Variants in EPDR1 observed in about 807,000 individuals in gnomAD.
EPDR1 encodes ependymin related 1.
EPDR1 carries 27 observed loss-of-function variants against 23.7 expected under a neutral mutation model. The ratio of observed to expected loss-of-function variants is 1.14; its 90% CI spans 0.84 to 1.57. EPDR1 has a LOEUF of 1.57. Ranked by LOEUF, EPDR1 falls within the 40% of genes most tolerant of loss-of-function variation. The probability of loss-of-function intolerance (pLI) is 0.00; values close to 1 mark genes in which losing one functional copy is unlikely to be tolerated. For synonymous variants in EPDR1, 137 were observed against 118.2 expected (o/e 1.16, Z -1.03); for missense variants, 349 against 290.4 (o/e 1.20, Z -1.47).
In EPDR1 at chr7:37,937,985, A is replaced by ATTTTTTTTT. The variant is rs35752051; in HGVS notation, c.270-10840_270-10832dup. On this transcript the variant is annotated intron_variant, in intron 1 of 2. Coordinates refer to ENST00000199448, the MANE Select transcript of EPDR1 (RefSeq NM_017549.5). ...CTGAAGAAAAATGGGTGCCCTTTAA[A>ATTTTTTTTT]TTTTTTTTTTTTTTTTTTTTTTTGA... Among the ~76,000 whole-genome samples the ATTTTTTTTT allele has an allele frequency of 5.9e-3, 424 of 72,382 alleles. 34 individuals carry two copies. The highest frequency in any genetic ancestry group is 0.016 in the African/African-American group (339 of 20,736). 47.5% of individuals were successfully genotyped at this position (72,382 alleles called of 152,430 possible).
chr7:37,950,443 C>T lies in EPDR1; in HGVS notation c.*47C>T, dbSNP rs1786379554. 6.6e-7 allele frequency: 1 copy of T among 1,514,140 alleles called. No homozygotes were observed. The highest frequency in any genetic ancestry group is 8.9e-7 in the Non-Finnish European group (1 of 1,119,844). The allele number at this position is 1,514,140 out of a possible 1,614,324, so 93.8% of individuals were successfully genotyped here. ...AGCATCGGATGTCAGCCCCCTGCGG[C>T]CCCAGCTGGAGATGGATATGAGACT... is the stretch of plus-strand genomic sequence containing the variant. On this transcript the variant is annotated 3_prime_UTR_variant, in exon 3 of 3. Transcript: ENST00000199448.
chr7:37,926,198 A>T (rs1378545384), intron 1 of EPDR1, among the ~76,000 whole-genome samples: 3 of 152,214 alleles, frequency 2.0e-5, no homozygotes, highest in Non-Finnish European at 4.4e-5. Context: ...TTTCAAATAC[A>T]TAATTTTGTT....
chr7:37,936,037 T>C (rs13237497), intron 1 of EPDR1, among the ~76,000 whole-genome samples: 15,473 of 74,594 alleles, frequency 0.21, 2,876 homozygotes, highest in South Asian at 0.3. Context: ...TATATATATA[T>C]ATACACAAGG....
At chr7:37,949,893 A>G (rs1185430317) in intron 2 of EPDR1, among the ~76,000 whole-genome samples, 1 of 152,236 alleles carries the variant, frequency 6.6e-6, no homozygotes, top group African/African-American at 2.4e-5. Context: ...AATCCCACTT[A>G]CATGAGGTAT....
At chr7:37,924,850 G>A (rs1267266386) in intron 1 of EPDR1, among the ~76,000 whole-genome samples, 1 of 152,206 alleles carries the variant, frequency 6.6e-6, no homozygotes, top group Non-Finnish European at 1.5e-5. Flanking sequence ...GTTATTTGAA[G>A]AAAATATGGA....
intron 1 of EPDR1, chr7:37,921,448 G>T (rs1785702130): frequency 2.2e-6 from 3 of 1,383,918 alleles, no homozygotes; most frequent in Non-Finnish European, 2.8e-6. Context: ...CGAGGCGGTG[G>T]CAGGTAAAGA....
intron 1 of EPDR1, among the ~76,000 whole-genome samples, chr7:37,946,256 G>A (rs1786272557): frequency 1.3e-5 from 2 of 152,166 alleles, no homozygotes; most frequent in African/African-American, 2.4e-5. Context: ...ACAGTAATGG[G>A]ATTGGTGGGT....
At chr7:37,942,496 C>T (rs1192779730) in intron 1 of EPDR1, among the ~76,000 whole-genome samples, 1 of 152,040 alleles carries the variant, frequency 6.6e-6, no homozygotes, top group Non-Finnish European at 1.5e-5. Flanking sequence ...TGCAAGAGTT[C>T]TGGAGACTGA....
chr7:37,927,396 T>C (rs1286450315), intron 1 of EPDR1, among the ~76,000 whole-genome samples: 4 of 152,226 alleles, frequency 2.6e-5, no homozygotes, highest in Admixed American at 6.5e-5. Context: ...CCTTTCATTT[T>C]TGCTACTCCC....
chr7:37,924,410 C>T (rs1018341793), intron 1 of EPDR1, among the ~76,000 whole-genome samples: 1 of 152,234 alleles, frequency 6.6e-6, no homozygotes, highest in Non-Finnish European at 1.5e-5. Context: ...CCCAACTGTG[C>T]TGTTCCTGAC....
At chr7:37,929,102 C>T (rs933944373) in intron 1 of EPDR1, among the ~76,000 whole-genome samples, 9 of 152,210 alleles carry the variant, frequency 5.9e-5, no homozygotes, top group African/African-American at 2.2e-4. Context: ...TCTGTCATTC[C>T]CTCTGCCTAG....
At chr7:37,921,399 C>G in intron 1 of EPDR1, 191 bp downstream of exon 1, 1 of 1,388,464 alleles carries the variant, frequency 7.2e-7, no homozygotes, top group Non-Finnish European at 9.3e-7. Context: ...CTGCGCCCAC[C>G]GAGGGCGGCC....
At chr7:37,932,326 G>A (rs1278055374) in intron 1 of EPDR1, among the ~76,000 whole-genome samples, 1 of 151,934 alleles carries the variant, frequency 6.6e-6, no homozygotes, top group Non-Finnish European at 1.5e-5. Context: ...ATTTAGAGAT[G>A]ACATCTCACT....
intron 1 of EPDR1, among the ~76,000 whole-genome samples, chr7:37,921,745 G>A (rs539211916): frequency 6.6e-6 from 1 of 152,276 alleles, no homozygotes; most frequent in Admixed American, 6.5e-5. Flanking sequence ...AATTGTTACA[G>A]CATTAAAATT....
chr7:37,932,730 G>A (rs967961069), intron 1 of EPDR1, among the ~76,000 whole-genome samples: 15 of 152,130 alleles, frequency 9.9e-5, no homozygotes, highest in African/African-American at 3.4e-4. Context: ...ATGGCAACCT[G>A]GATATCTCAG....
intron 1 of EPDR1, among the ~76,000 whole-genome samples, chr7:37,938,903 T>TGTTG (rs1227454815): frequency 1.3e-5 from 2 of 152,150 alleles, no homozygotes; most frequent in Non-Finnish European, 2.9e-5. Flanking sequence ...CTATCTGTGG[T>TGTTG]GCTGGCTATT....
At chr7:37,939,595 T>A (rs1002808431) in intron 1 of EPDR1, among the ~76,000 whole-genome samples, 9 of 152,070 alleles carry the variant, frequency 5.9e-5, no homozygotes, top group African/African-American at 1.4e-4. Context: ...TGTTTAGGCA[T>A]GTTATAACAA....
rs1160250891 is a variant in EPDR1, at chr7:37,921,463, A to G, written c.269+255A>G. On this transcript the variant is annotated intron_variant, in intron 1 of 2. Coordinates refer to ENST00000199448, the MANE Select transcript of EPDR1 (RefSeq NM_017549.5). ...CGAGGCGGTGGCAGGTAAAGAAGGGACCCATCCAGGGCGGGATCAAGCTGC... is the reference window on the plus strand; with the variant it reads ...CGAGGCGGTGGCAGGTAAAGAAGGGGCCCATCCAGGGCGGGATCAAGCTGC... The G allele has an allele frequency of 2.2e-6, 3 of 1,374,364 alleles. No individual in the cohort carries two copies. The East Asian group carries it at 9.0e-5, about 41-fold the overall frequency. The allele number at this position is 1,374,364 out of a possible 1,614,324, so 85.1% of individuals were successfully genotyped here.
chr7:37,950,346 A>C lies in EPDR1; in HGVS notation c.625A>C (p.Thr209Pro). 6.2e-7 allele frequency: 1 copy of C among 1,613,944 alleles called. No individual in the cohort carries two copies. Among genetic ancestry groups the C allele is most frequent in the Non-Finnish European group, 8.5e-7 (1 of 1,179,928 alleles). ...KDPSVFTPPS[T>P]CQMAQLEKMS... The stretch of plus-strand genomic sequence containing the variant: ...CCCCTCGGTGTTTACCCCTCCAAGC[A>C]CGTGCCAGATGGCCCAACTGGAGAA... The change falls in exon 3 of 3, where the codon ACG (threonine) becomes CCG (proline). Residue 209 changes from threonine (T) to proline (P), a missense_variant. Coordinates refer to ENST00000199448, the MANE Select transcript of EPDR1 (RefSeq NM_017549.5).
Sources: allele counts gnomAD v4.1 joint callset (sites outside exome capture counted in the v4.1 genomes callset), GRCh38; gene constraint gnomAD v4.1.1; transcripts MANE v1.5; gene names NCBI Gene and HGNC (gene_info 2026-07-23, HGNC 2026-07-21).